Variants in FIRRM observed in about 807,000 individuals in gnomAD.
The protein encoded by FIRRM is FIGNL1-interacting regulator of recombination and mitosis.
the FIRRM span, among the ~76,000 whole-genome samples, chr1:169,829,610 T>C: frequency 5.2e-4 from 79 of 152,332 alleles, no homozygotes; most frequent in Non-Finnish European, 5.9e-4. Context: ...GATTCCTGTA[T>C]TATTTAGATC....
chr1:169,851,725 T>C, the FIRRM span: 1 of 1,504,106 alleles, frequency 6.6e-7, no homozygotes, highest in Non-Finnish European at 9.0e-7. Context: ...CTAGTATGGT[T>C]GAACACTCAG....
At chr1:169,787,511 T>C in the FIRRM span, among the ~76,000 whole-genome samples, 1 of 152,154 alleles carries the variant, frequency 6.6e-6, no homozygotes, top group Non-Finnish European at 1.5e-5. Flanking sequence ...CCTCTTAGTA[T>C]TTTTTCATCC....
chr1:169,847,466 G>A, the FIRRM span, among the ~76,000 whole-genome samples: 3 of 152,092 alleles, frequency 2.0e-5, no homozygotes, highest in African/African-American at 7.2e-5. Context: ...CGTGGTTGGA[G>A]GCAGGAGGGT....
chr1:169,811,864 ATAGAT>A, the FIRRM span, among the ~76,000 whole-genome samples: 1 of 143,612 alleles, frequency 7.0e-6, no homozygotes, highest in South Asian at 2.2e-4. Context: ...TAATAGATAG[ATAGAT>A]TAGATAGATA....
the FIRRM span, chr1:169,851,674 A>G: frequency 2.0e-4 from 177 of 884,452 alleles, no homozygotes; most frequent in Middle Eastern, 3.0e-3. Context: ...GATTATACTA[A>G]GAGTATTTAT....
At chr1:169,817,121 TAA>T in the FIRRM span, among the ~76,000 whole-genome samples, 1 of 144,880 alleles carries the variant, frequency 6.9e-6, no homozygotes, top group Non-Finnish European at 1.5e-5. Flanking sequence ...AAACAAAAAG[TAA>T]AAAAAAAAAA....
chr1:169,852,849 G>A, the FIRRM span: 25 of 1,614,014 alleles, frequency 1.5e-5, no homozygotes, highest in Non-Finnish European at 2.1e-5. Context: ...GGTCAGCGCT[G>A]CATACAATAG....
the FIRRM span, chr1:169,837,066 G>A: frequency 1.2e-6 from 2 of 1,606,168 alleles, no homozygotes; most frequent in Admixed American, 1.7e-5. Context: ...GCAGAATGCA[G>A]GAAATGGCTG....
At chr1:169,798,280 T>C in the FIRRM span, among the ~76,000 whole-genome samples, 4,054 of 145,884 alleles carry the variant, frequency 0.028, 205 homozygotes, top group East Asian at 0.22. Flanking sequence ...CCGTCTCTCT[T>C]TTTTTTTTTT....
At chr1:169,839,259 C>T in the FIRRM span, among the ~76,000 whole-genome samples, 96,592 of 151,938 alleles carry the variant, frequency 0.64, 31,081 homozygotes, top group Middle Eastern at 0.77. Flanking sequence ...TTTGGTAGAA[C>T]GATTTGTTTT....
the FIRRM span, among the ~76,000 whole-genome samples, chr1:169,813,464 T>C: frequency 6.6e-6 from 1 of 152,206 alleles, no homozygotes; most frequent in Admixed American, 6.5e-5. Context: ...GTATCTAACA[T>C]GGAAGGTTAA....
chr1:169,790,020 T>C, the FIRRM span, among the ~76,000 whole-genome samples: 1 of 152,198 alleles, frequency 6.6e-6, no homozygotes, highest in Admixed American at 6.5e-5. Flanking sequence ...CAAGTTATCA[T>C]AACCCTTAAA....
At chr1:169,849,984 T>G in the FIRRM span, 3 of 484,272 alleles carry the variant, frequency 6.2e-6, no homozygotes, top group Middle Eastern at 1.7e-3. Context: ...TCCTTTACTC[T>G]TACTGCATTT....
the FIRRM span, among the ~76,000 whole-genome samples, chr1:169,834,586 G>T: frequency 6.6e-6 from 1 of 152,128 alleles, no homozygotes; most frequent in Non-Finnish European, 1.5e-5. Flanking sequence ...CCTTACAGCA[G>T]CCTTGTGGGA....
At chr1:169,827,097 C>G in the FIRRM span, 7 of 1,613,654 alleles carry the variant, frequency 4.3e-6, no homozygotes, top group Admixed American at 1.0e-4. Flanking sequence ...TAAAGCACAC[C>G]AAGAGGAAAT....
At chr1:169,843,878 G>T in the FIRRM span, 2 of 660,358 alleles carry the variant, frequency 3.0e-6, no homozygotes, top group African/African-American at 1.8e-5. Context: ...CTCTTGTTGT[G>T]TCATATATTG....
At chr1:169,798,298 C>A in the FIRRM span, among the ~76,000 whole-genome samples, 1 of 148,662 alleles carries the variant, frequency 6.7e-6, no homozygotes, top group Admixed American at 6.7e-5. Context: ...TTTTTTGAGA[C>A]GGAGTCTCGC....
At chr1:169,851,693 C>A in the FIRRM span, 1 of 1,091,782 alleles carries the variant, frequency 9.2e-7, no homozygotes, top group Non-Finnish European at 1.3e-6. Flanking sequence ...ATAGATCAGT[C>A]CATGTGACTT....
chr1:169,853,141 A>C, the FIRRM span: 1 of 750,036 alleles, frequency 1.3e-6, no homozygotes, highest in South Asian at 1.9e-5. Flanking sequence ...TGTGGGGAAT[A>C]TTCTTATTAA....
Sources: gnomAD v4.1 joint callset for allele counts (sites outside exome capture counted in the v4.1 genomes callset) on GRCh38, gnomAD v4.1.1 for gene constraint, MANE v1.5 for transcripts, NCBI Gene and HGNC (gene_info 2026-07-23, HGNC 2026-07-21) for gene names.